GRIK1: variants seen among roughly 807,000 people sequenced by gnomAD.
The protein encoded by GRIK1 is glutamate ionotropic receptor kainate type subunit 1.
A neutral mutation model predicts 105.7 loss-of-function variants in GRIK1; 69 were observed. That is an observed-to-expected ratio of 0.65 (90% confidence interval 0.54 to 0.80). GRIK1 has a LOEUF of 0.80. Ranked by LOEUF, GRIK1 falls within the 30% of genes least tolerant of loss-of-function variation. The probability of loss-of-function intolerance (pLI) is 0.00; values close to 1 mark genes in which losing one functional copy is unlikely to be tolerated. For synonymous variants in GRIK1, 438 were observed against 431.3 expected, an observed-to-expected ratio of 1.02 and a Z score of -0.19; for missense variants, 1,109 against 1,167.3, an observed-to-expected ratio of 0.95 and a Z score of 0.73.
chr21:29,923,487 G>A (rs915369315), intron 1 of GRIK1, among the ~76,000 whole-genome samples: 2 of 152,196 alleles, frequency 1.3e-5, no homozygotes, highest in Non-Finnish European at 2.9e-5. Flanking sequence ...ACTCAAAATA[G>A]AGAAGTGTGA....
chr21:29,630,453 C>T lies in GRIK1; in HGVS notation c.1098+12373G>A, dbSNP rs372048913. Reference sequence around the variant, plus strand: ...TGACTTAATAAAAAGTACGATTATCCTGCAGGGGAGGGCTGACCTAATCAA... The same window carrying T: ...TGACTTAATAAAAAGTACGATTATCTTGCAGGGGAGGGCTGACCTAATCAA... On this transcript the variant is annotated intron_variant, in intron 7 of 17. Coordinates refer to ENST00000327783, the MANE Select transcript of GRIK1 (RefSeq NM_001330994.2). 236 of 464,130 alleles carry T rather than the reference C, an allele frequency of 5.1e-4. 2 individuals carry two copies. Among genetic ancestry groups the T allele is most frequent in the Admixed American group, 8.8e-4 (36 of 40,986 alleles). The allele number at this position is 464,130 out of a possible 1,614,324, so 28.8% of individuals were successfully genotyped here.
At chr21:29,831,259 A>T (rs1300091962) in intron 1 of GRIK1, among the ~76,000 whole-genome samples, 1 of 152,128 alleles carries the variant, frequency 6.6e-6, no homozygotes, top group Admixed American at 6.6e-5. Context: ...GCTCTTCTTT[A>T]CTTCTGCAGC....
intron 6 of GRIK1, among the ~76,000 whole-genome samples, chr21:29,648,275 A>G (rs2062657746): frequency 6.6e-6 from 1 of 152,224 alleles, no homozygotes; most frequent in African/African-American, 2.4e-5. Flanking sequence ...GAAGCATATG[A>G]TTTCAGAGAA....
intron 1 of GRIK1, among the ~76,000 whole-genome samples, chr21:29,894,399 A>G (rs928456873): frequency 1.3e-5 from 2 of 152,094 alleles, no homozygotes; most frequent in African/African-American, 2.4e-5. Flanking sequence ...AAGAAATTGG[A>G]GTCTGATGTT....
At chr21:29,889,237 A>G (rs2069799088) in intron 1 of GRIK1, among the ~76,000 whole-genome samples, 1 of 152,198 alleles carries the variant, frequency 6.6e-6, no homozygotes, top group Non-Finnish European at 1.5e-5. Flanking sequence ...TTAGAATACA[A>G]TGAGAGTAAT....
intron 4 of GRIK1, among the ~76,000 whole-genome samples, chr21:29,663,933 G>A (rs2063013064): frequency 6.6e-6 from 1 of 152,158 alleles, no homozygotes; most frequent in Non-Finnish European, 1.5e-5. Flanking sequence ...AGTGGAGAAG[G>A]AAGATGATGA....
At chr21:29,656,279 G>T (rs2062846078) in intron 4 of GRIK1, among the ~76,000 whole-genome samples, 1 of 143,738 alleles carries the variant, frequency 7.0e-6, no homozygotes, top group Non-Finnish European at 1.5e-5. Context: ...GGAGAACGGC[G>T]TGAACCCGGG....
chr21:29,708,814 T>A (rs1156638945), intron 1 of GRIK1, among the ~76,000 whole-genome samples: 3 of 152,164 alleles, frequency 2.0e-5, no homozygotes, highest in African/African-American at 7.2e-5. Flanking sequence ...TAATTTTTAT[T>A]TTTTTTGGAA....
At chr21:29,857,902 T>A (rs978891871) in intron 1 of GRIK1, among the ~76,000 whole-genome samples, 1 of 152,122 alleles carries the variant, frequency 6.6e-6, no homozygotes, top group African/African-American at 2.4e-5. Flanking sequence ...ATTTTTCCAT[T>A]TTTATTTATT....
intron 3 of GRIK1, among the ~76,000 whole-genome samples, chr21:29,681,335 ATGGT>A (rs1285516579): frequency 1.3e-5 from 2 of 152,066 alleles, no homozygotes; most frequent in African/African-American, 4.8e-5. Context: ...AGCTCTTCCA[ATGGT>A]TTACAAAGTC....
At chr21:29,860,878 ATG>A (rs1375963210) in intron 1 of GRIK1, among the ~76,000 whole-genome samples, 2 of 152,218 alleles carry the variant, frequency 1.3e-5, no homozygotes, top group African/African-American at 4.8e-5. Context: ...AATAGGAGAT[ATG>A]AATATTGAAG....
At chr21:29,547,769 C>T (rs575759716) in intron 16 of GRIK1, among the ~76,000 whole-genome samples, 1 of 152,310 alleles carries the variant, frequency 6.6e-6, no homozygotes, top group South Asian at 2.1e-4. Flanking sequence ...AACCTCTTTG[C>T]ACGATTACAA....
chr21:29,646,021 G>A (rs1195473205), intron 6 of GRIK1, among the ~76,000 whole-genome samples: 2 of 152,130 alleles, frequency 1.3e-5, no homozygotes, highest in South Asian at 2.1e-4. Flanking sequence ...CCCCTTGACT[G>A]GCTCTTGAGA....
At chr21:29,654,698 G>T in intron 5 of GRIK1, 112 bp downstream of exon 5, 1 of 699,296 alleles carries the variant, frequency 1.4e-6, no homozygotes, top group South Asian at 1.7e-5. Flanking sequence ...AGGAAAGTAA[G>T]GCAAGTCTCC....
chr21:29,921,765 A>G (rs1044677673), intron 1 of GRIK1, among the ~76,000 whole-genome samples: 1 of 152,202 alleles, frequency 6.6e-6, no homozygotes, highest in African/African-American at 2.4e-5. Flanking sequence ...TATACAAATT[A>G]ACGTACGCTA....
intron 1 of GRIK1, among the ~76,000 whole-genome samples, chr21:29,729,508 C>A (rs2064557235): frequency 6.6e-6 from 1 of 152,172 alleles, no homozygotes; most frequent in South Asian, 2.1e-4. Flanking sequence ...CCTACAGGCA[C>A]CTCTTCAGAT....
intron 1 of GRIK1, among the ~76,000 whole-genome samples, chr21:29,893,704 G>T (rs149572014): frequency 3.4e-4 from 52 of 152,298 alleles, no homozygotes; most frequent in African/African-American, 1.2e-3. Flanking sequence ...AGAATATACA[G>T]AGAGAAAGAC....
intron 1 of GRIK1, among the ~76,000 whole-genome samples, chr21:29,926,226 T>G (rs1182545571): frequency 6.6e-6 from 1 of 152,186 alleles, no homozygotes; most frequent in Non-Finnish European, 1.5e-5. Context: ...CAATAATAAT[T>G]CCTCTGGCCT....
chr21:29,786,256 G>A lies in GRIK1; in HGVS notation c.119-92193C>T, dbSNP rs531549534. Among the ~76,000 whole-genome samples, 3 of 152,314 alleles carry A rather than the reference G, an allele frequency of 2.0e-5. No homozygotes were observed. The East Asian group carries it at 5.8e-4, about 29-fold the overall frequency. ...CCCGCCTCAGCCTCCCAAAGTGTTGGGAATACCCGCGTGAGCCACAGCGCC... is the reference window on the plus strand; with the variant it reads ...CCCGCCTCAGCCTCCCAAAGTGTTGAGAATACCCGCGTGAGCCACAGCGCC... On this transcript the variant is annotated intron_variant, in intron 1 of 17. Coordinates refer to ENST00000327783, the MANE Select transcript of GRIK1 (RefSeq NM_001330994.2).
Sources: gnomAD v4.1 joint callset for allele counts (sites outside exome capture counted in the v4.1 genomes callset) on GRCh38, gnomAD v4.1.1 for gene constraint, MANE v1.5 for transcripts, NCBI Gene and HGNC (gene_info 2026-07-23, HGNC 2026-07-21) for gene names.